CHRM3: variants seen among roughly 807,000 people sequenced by gnomAD.
CHRM3 encodes muscarinic acetylcholine receptor M3.
In CHRM3, 11 loss-of-function variants were observed where a neutral mutation model predicts 41.8. The observed-to-expected ratio is 0.26, with a 90% CI of 0.17 to 0.44. The LOEUF (loss-of-function observed/expected upper bound fraction) is 0.44. Among genes scored for constraint, CHRM3 ranks in the 20% least tolerant of loss-of-function variants. The pLI is 1.00. For missense variants in CHRM3, 571 were observed against 745.4 expected (o/e 0.77, Z 2.72); for synonymous variants, 297 against 301.4 (o/e 0.99, Z 0.15).
chr1:239,861,333 T>C (rs1246096825), intron 6 of CHRM3, among the ~76,000 whole-genome samples: 1 of 151,880 alleles, frequency 6.6e-6, no homozygotes, highest in Non-Finnish European at 1.5e-5. Flanking sequence ...TCAGGAAAGG[T>C]TTTTCTAAGA....
chr1:239,812,900 C>T (rs939852751), intron 5 of CHRM3, among the ~76,000 whole-genome samples: 1 of 152,230 alleles, frequency 6.6e-6, no homozygotes, highest in Non-Finnish European at 1.5e-5. Flanking sequence ...ATGCCTCTCC[C>T]TCCAAAATGT....
At chr1:239,555,663 G>C (rs939651821) in intron 3 of CHRM3, among the ~76,000 whole-genome samples, 1 of 152,152 alleles carries the variant, frequency 6.6e-6, no homozygotes, top group African/African-American at 2.4e-5. Flanking sequence ...CCCTTAATCT[G>C]CATGCAATTA....
chr1:239,740,826 G>A (rs754858529), intron 5 of CHRM3, among the ~76,000 whole-genome samples: 1 of 152,168 alleles, frequency 6.6e-6, no homozygotes, highest in Non-Finnish European at 1.5e-5. Flanking sequence ...ACAAATGCTG[G>A]TGAGGCTGTG....
intron 5 of CHRM3, among the ~76,000 whole-genome samples, chr1:239,688,862 T>C (rs1659438238): frequency 1.4e-5 from 2 of 143,156 alleles, no homozygotes; most frequent in African/African-American, 2.5e-5. Flanking sequence ...ATTTTATTTT[T>C]ATATATTATA....
At chr1:239,651,136 G>A (rs184768509) in intron 4 of CHRM3, among the ~76,000 whole-genome samples, 1 of 152,214 alleles carries the variant, frequency 6.6e-6, no homozygotes, top group Non-Finnish European at 1.5e-5. Flanking sequence ...AACTTACGTT[G>A]GAGATCCCTA....
chr1:239,521,683 C>T (rs1438304560), intron 2 of CHRM3, among the ~76,000 whole-genome samples: 1 of 152,036 alleles, frequency 6.6e-6, no homozygotes, highest in Non-Finnish European at 1.5e-5. Flanking sequence ...GGGTTGTGCA[C>T]ATAGGAGAGG....
intron 6 of CHRM3, among the ~76,000 whole-genome samples, chr1:239,897,612 C>G (rs1429950693): frequency 2.0e-5 from 3 of 151,894 alleles, no homozygotes; most frequent in Non-Finnish European, 4.4e-5. Flanking sequence ...TGCAGTGGAA[C>G]AGAATCCAGC....
chr1:239,410,021 C>T (rs778204694), intron 1 of CHRM3, among the ~76,000 whole-genome samples: 17 of 152,154 alleles, frequency 1.1e-4, no homozygotes, highest in Non-Finnish European at 2.2e-4. Context: ...TTTCTTAAAA[C>T]AAAATCTATG....
At chr1:239,459,250 A>G (rs1245264401) in intron 1 of CHRM3, among the ~76,000 whole-genome samples, 3 of 152,158 alleles carry the variant, frequency 2.0e-5, no homozygotes, top group Non-Finnish European at 4.4e-5. Context: ...TTTTCAAATA[A>G]CAGTCATAAT....
chr1:239,717,633 A>AG (rs1209210673), intron 5 of CHRM3, among the ~76,000 whole-genome samples: 1 of 152,038 alleles, frequency 6.6e-6, no homozygotes, highest in Non-Finnish European at 1.5e-5. Flanking sequence ...TTGGGATTCA[A>AG]GGGGGGTGCT....
chr1:239,697,526 A>G (rs1251118573), intron 5 of CHRM3, among the ~76,000 whole-genome samples: 1 of 152,180 alleles, frequency 6.6e-6, no homozygotes, highest in African/African-American at 2.4e-5. Context: ...GCAAAAAATG[A>G]TATCAGGGAA....
At chr1:239,774,362 G>A (rs998580154) in intron 5 of CHRM3, among the ~76,000 whole-genome samples, 2 of 152,160 alleles carry the variant, frequency 1.3e-5, no homozygotes, top group Non-Finnish European at 1.5e-5. Context: ...TGCTTATTTA[G>A]AGAGGGATGG....
chr1:239,553,928 G>A (rs151077942), intron 3 of CHRM3, among the ~76,000 whole-genome samples: 60 of 152,176 alleles, frequency 3.9e-4, no homozygotes, highest in African/African-American at 8.7e-4. Context: ...TCACTCTGTC[G>A]CCCAGGCTAG....
intron 4 of CHRM3, among the ~76,000 whole-genome samples, chr1:239,671,019 G>A (rs1376073099): frequency 6.6e-6 from 1 of 152,136 alleles, no homozygotes; most frequent in African/African-American, 2.4e-5. Flanking sequence ...ATTCCCATCA[G>A]CAGTGTATGA....
At chr1:239,576,561 CA>C (rs1662362915) in intron 3 of CHRM3, among the ~76,000 whole-genome samples, 1 of 148,176 alleles carries the variant, frequency 6.7e-6, no homozygotes, top group African/African-American at 2.5e-5. Flanking sequence ...AGGGAAACAG[CA>C]AAACATCATC....
rs909992441 is a variant in CHRM3 at position 239,824,452 on chromosome 1, A to T, written c.-146-2800A>T. 2.6e-5 allele frequency among the ~76,000 whole-genome samples: 4 copies of T among 152,252 alleles called. No individual in the cohort carries two copies. The South Asian group carries it at 8.3e-4, about 32-fold the overall frequency. On this transcript the variant is annotated intron_variant, in intron 5 of 6. Coordinates refer to ENST00000676153, the MANE Select transcript of CHRM3 (RefSeq NM_001375978.1). ...ATAGAATTTCATTTATGGCTGGCAT[A>T]TAATCACAAAGTTAGGTGAAAATGA...
At position 239,479,355 on chromosome 1, in the gene CHRM3, A is replaced by G. The variant is rs567720608; in HGVS notation, c.-520-13354A>G. Reference sequence around the variant, plus strand: ...TGCTATAACCAAAGATGAGAAGAAAATCTTAAAAGCAGCCAGAAAATGAAA... The same window carrying G: ...TGCTATAACCAAAGATGAGAAGAAAGTCTTAAAAGCAGCCAGAAAATGAAA... On this transcript the variant is annotated intron_variant, in intron 1 of 6. Coordinates refer to ENST00000676153, the MANE Select transcript of CHRM3 (RefSeq NM_001375978.1). Among the ~76,000 whole-genome samples the G allele has an allele frequency of 2.0e-5, 3 of 152,310 alleles. No individual in the cohort carries two copies. The South Asian group carries it at 6.2e-4, about 32-fold the overall frequency.
At chr1:239,696,128 G>C (rs550228426) in intron 5 of CHRM3, among the ~76,000 whole-genome samples, 55 of 152,200 alleles carry the variant, frequency 3.6e-4, no homozygotes, top group African/African-American at 1.2e-3. Flanking sequence ...CTAAATGCCT[G>C]GCCTTGGGTG....
intron 1 of CHRM3, among the ~76,000 whole-genome samples, chr1:239,467,828 C>T (rs1175465917): frequency 6.6e-6 from 1 of 152,042 alleles, no homozygotes; most frequent in Non-Finnish European, 1.5e-5. Flanking sequence ...GGTTGGATCA[C>T]TTTTATTTTC....
Sources: allele counts gnomAD v4.1 joint callset (sites outside exome capture counted in the v4.1 genomes callset), GRCh38; gene constraint gnomAD v4.1.1; transcripts MANE v1.5; gene names NCBI Gene and HGNC (gene_info 2026-07-23, HGNC 2026-07-21).